The following ROBO2 variants were observed in gnomAD, a reference collection of about 807,000 sequenced individuals.
ROBO2 encodes roundabout guidance receptor 2.
A neutral mutation model predicts 160.8 loss-of-function variants in ROBO2; 53 were observed. The observed-to-expected ratio is 0.33, with a 90% CI of 0.26 to 0.41. The LOEUF is 0.41. Ranked by LOEUF, ROBO2 falls within the 10% of genes least tolerant of loss-of-function variation. The probability of loss-of-function intolerance (pLI) is 1.00; values close to 1 mark genes in which losing one functional copy is unlikely to be tolerated. For synonymous variants in ROBO2, 664 were observed against 611.7 expected, an observed-to-expected ratio of 1.09 and a Z score of -1.26; for missense variants, 1,577 against 1,722.4, an observed-to-expected ratio of 0.92 and a Z score of 1.49.
chr3:76,944,010 A>C (rs1414025328), intron 2 of ROBO2, among the ~76,000 whole-genome samples: 1 of 152,206 alleles, frequency 6.6e-6, no homozygotes, highest in Non-Finnish European at 1.5e-5. Flanking sequence ...GCTTGGACTA[A>C]TTAAATAGAA....
chr3:76,205,276 C>T (rs1702744712), intron 2 of ROBO2, among the ~76,000 whole-genome samples: 1 of 152,132 alleles, frequency 6.6e-6, no homozygotes, highest in East Asian at 1.9e-4. Flanking sequence ...AATGCTGCTG[C>T]TTCTTTTTTA....
Position 75,974,793 on chromosome 3 carries a change from T to C in ROBO2, c.109+37191T>C, listed in dbSNP as rs573561219. ...GAGGCAGTTTTGAGAGGCTAAAATA[T>C]GTAGATACATTTACTTTCACAACTT... On this transcript the variant is annotated intron_variant, in intron 2 of 26. Transcript: ENST00000487694. 5.3e-5 allele frequency among the ~76,000 whole-genome samples: 8 copies of C among 151,692 alleles called. No homozygotes were observed. The East Asian group carries it at 9.8e-4, about 18-fold the overall frequency.
Position 77,409,101 on chromosome 3 carries a change from A to ATG in ROBO2, c.389-68311_389-68310dup, listed in dbSNP as rs907447126. Among the ~76,000 whole-genome samples, 50 of 120,682 alleles carry ATG rather than the reference A, an allele frequency of 4.1e-4. 1 individual carries two copies. The highest frequency in any genetic ancestry group is 1.2e-3 in the African/African-American group (38 of 30,722). 79.2% of individuals were successfully genotyped at this position (120,682 alleles called of 152,430 possible). On this transcript the variant is annotated intron_variant, in intron 2 of 25. Coordinates refer to ENST00000461745, the Ensembl canonical transcript of ROBO2. ...CATCTTGAAATACATACATATATAT[A>ATG]TGTATATATATATATATATATAGTC...
chr3:77,606,155 G>A (rs2094521959), intron 20 of ROBO2, among the ~76,000 whole-genome samples: 1 of 152,108 alleles, frequency 6.6e-6, no homozygotes, highest in Non-Finnish European at 1.5e-5. Context: ...TGGAGAAGTT[G>A]GGAGTAAAGA....
chr3:77,168,657 C>T (rs2079333773), intron 2 of ROBO2, among the ~76,000 whole-genome samples: 1 of 152,090 alleles, frequency 6.6e-6, no homozygotes, highest in African/African-American at 2.4e-5. Context: ...TAATTTTTTG[C>T]CCCGACTCCT....
intron 2 of ROBO2, among the ~76,000 whole-genome samples, chr3:76,283,521 A>C (rs528368365): frequency 6.6e-6 from 1 of 152,056 alleles, no homozygotes; most frequent in South Asian, 2.1e-4. Flanking sequence ...ATGTGTATTT[A>C]CTTATCCTGT....
chr3:76,284,568 TTC>T (rs1708415568), intron 2 of ROBO2, among the ~76,000 whole-genome samples: 3 of 152,152 alleles, frequency 2.0e-5, no homozygotes, highest in Non-Finnish European at 4.4e-5. Context: ...GATTTGCAGC[TTC>T]TCTCAGTGTG....
chr3:75,909,321 G>A (rs1328031282), intron 1 of ROBO2, among the ~76,000 whole-genome samples: 1 of 152,156 alleles, frequency 6.6e-6, no homozygotes, highest in East Asian at 1.9e-4. Context: ...GAGCTTTTGT[G>A]TGTCTATGCA....
intron 2 of ROBO2, among the ~76,000 whole-genome samples, chr3:76,894,132 G>A (rs2074580916): frequency 6.6e-6 from 1 of 150,904 alleles, no homozygotes; most frequent in South Asian, 2.2e-4. Context: ...ATTATCTGTG[G>A]GAGGAAAAAA....
chr3:75,985,142 A>G (rs2065379530), intron 2 of ROBO2, among the ~76,000 whole-genome samples: 1 of 151,440 alleles, frequency 6.6e-6, no homozygotes. Context: ...ATCCTTATGC[A>G]TTGTATCTTG....
intron 2 of ROBO2, among the ~76,000 whole-genome samples, chr3:76,524,179 G>T (rs1431680238): frequency 6.6e-6 from 1 of 151,988 alleles, no homozygotes; most frequent in African/African-American, 2.4e-5. Flanking sequence ...TACAAATCCT[G>T]TTTATGTTTC....
chr3:77,303,657 G>A (rs1172816811), intron 2 of ROBO2, among the ~76,000 whole-genome samples: 1 of 151,906 alleles, frequency 6.6e-6, no homozygotes, highest in Non-Finnish European at 1.5e-5. Flanking sequence ...GTACATAATG[G>A]GTGGTGGTGG....
intron 2 of ROBO2, among the ~76,000 whole-genome samples, chr3:76,310,812 G>A (rs1425474287): frequency 2.6e-5 from 4 of 152,184 alleles, no homozygotes; most frequent in African/African-American, 9.7e-5. Flanking sequence ...CCACCCAAGT[G>A]GCGGTGACAC....
intron 24 of ROBO2, among the ~76,000 whole-genome samples, chr3:77,640,448 C>G (rs1251234136): frequency 1.2e-4 from 18 of 152,136 alleles, no homozygotes; most frequent in Admixed American, 1.2e-3. Context: ...GAGCTGAGTT[C>G]TCATACATGA....
chr3:76,673,302 C>T (rs1021398269), intron 2 of ROBO2, among the ~76,000 whole-genome samples: 2 of 152,110 alleles, frequency 1.3e-5, no homozygotes, highest in Non-Finnish European at 2.9e-5. Flanking sequence ...TCATTGAGAT[C>T]GGAAACATCA....
At chr3:76,792,548 A>T (rs1362896192) in intron 2 of ROBO2, among the ~76,000 whole-genome samples, 1 of 151,824 alleles carries the variant, frequency 6.6e-6, no homozygotes, top group Non-Finnish European at 1.5e-5. Context: ...TTAATTATAA[A>T]TAAAGGTAAT....
intron 2 of ROBO2, among the ~76,000 whole-genome samples, chr3:77,343,226 T>G (rs1441168170): frequency 2.6e-5 from 4 of 152,158 alleles, no homozygotes; most frequent in Non-Finnish European, 5.9e-5. Flanking sequence ...GAGAATATAG[T>G]TCAGTCCAGA....
At chr3:76,717,491 CAA>C (rs538321640) in intron 2 of ROBO2, among the ~76,000 whole-genome samples, 1,986 of 73,058 alleles carry the variant, frequency 0.027, 32 homozygotes, top group African/African-American at 0.072. Flanking sequence ...ACCCTGTCTC[CAA>C]AAAAAAAAAA....
intron 2 of ROBO2, among the ~76,000 whole-genome samples, chr3:76,890,854 T>G (rs945858346): frequency 6.6e-6 from 1 of 152,146 alleles, no homozygotes; most frequent in Non-Finnish European, 1.5e-5. Context: ...GCACTTAATA[T>G]GTTGGTGGCA....
Sources: allele counts gnomAD v4.1 joint callset (sites outside exome capture counted in the v4.1 genomes callset), GRCh38; gene constraint gnomAD v4.1.1; transcripts MANE v1.5; gene names NCBI Gene and HGNC (gene_info 2026-07-23, HGNC 2026-07-21).